Variants in RNF207 observed in about 807,000 individuals in gnomAD.
RNF207 encodes ring finger protein 207.
Under a neutral mutation model 79.0 loss-of-function variants are expected in RNF207, and 72 were observed. The ratio of observed to expected loss-of-function variants is 0.91; its 90% CI spans 0.75 to 1.11. The LOEUF (loss-of-function observed/expected upper bound fraction) is 1.11. Among genes scored for constraint, RNF207 ranks in the 50% least tolerant of loss-of-function variants. The pLI, the probability that RNF207 is intolerant of heterozygous loss-of-function variation, is 0.00. For synonymous variants in RNF207, 348 were observed against 366.2 expected (o/e 0.95, Z 0.57); for missense variants, 936 against 855.8 (o/e 1.09, Z -1.17).
chr1:6,210,453 C>G lies in RNF207; in HGVS notation c.942+15C>G. ...ACCTGGGCTATGTGAGTCTCCTCTG[C>G]TCCTGCAGATGCCCCCTCCCCACCA... On this transcript the variant is annotated intron_variant, in intron 10 of 17. Coordinates refer to ENST00000377939, the MANE Select transcript of RNF207 (RefSeq NM_207396.3). 1.9e-6 allele frequency: 3 copies of G among 1,606,100 alleles called. No homozygotes were observed. Among genetic ancestry groups the G allele is most frequent in the Non-Finnish European group, 2.6e-6 (3 of 1,174,812 alleles).
rs1427508137 is a variant in RNF207 at position 6,217,935 on chromosome 1, C to G, written c.1653-354C>G. Among the ~76,000 whole-genome samples the G allele has an allele frequency of 6.6e-6, 1 of 152,232 alleles. No homozygotes were observed. Among genetic ancestry groups the G allele is most frequent in the Non-Finnish European group, 1.5e-5 (1 of 68,050 alleles). On this transcript the variant is annotated intron_variant, in intron 16 of 17. Coordinates refer to ENST00000377939, the MANE Select transcript of RNF207 (RefSeq NM_207396.3). This position sits in a 1 kb window ranked among gnomAD's most constrained non-coding sequence, Gnocchi z 4.2. ...TCTGGGCCTCTGCCTGGAGTATTCA[C>G]AGACCCTCAGTCGGGCCCCAGCTTG...
In RNF207 at chr1:6,211,981, C is replaced by T. The variant is rs747498126; in HGVS notation, c.1224C>T (p.Thr408=). 1.3e-6 allele frequency: 2 copies of T among 1,584,430 alleles called. No homozygotes were observed. Among genetic ancestry groups the T allele is most frequent in the Non-Finnish European group, 1.7e-6 (2 of 1,166,106 alleles). The part of the protein sequence containing the change: ...QKPTLHRSIS[T]KVLLAEGENT... ...CCACGCTGCACCGGTCCATCAGCAC[C>T]AAGGTGCTGCTGGCGGAGGGCGAGA... The change falls in exon 13 of 18, where the codon ACC becomes ACT. Residue 408 remains threonine, a synonymous_variant. Coordinates refer to ENST00000377939, the MANE Select transcript of RNF207 (RefSeq NM_207396.3). This position sits in a 1 kb window ranked among gnomAD's most constrained non-coding sequence, Gnocchi z 4.2.
chr1:6,208,323 A>T (rs995585985), intron 3 of RNF207: 2 of 152,290 alleles, frequency 1.3e-5, no homozygotes, highest in African/African-American at 4.8e-5. Flanking sequence ...AAAAAAAAAA[A>T]AATTTTTTTT....
At position 6,219,401 on chromosome 1, in the gene RNF207, G is replaced by A. The variant is rs774324115; in HGVS notation, c.1899G>A (p.Pro633=). The A allele has an allele frequency of 9.5e-5, 152 of 1,601,982 alleles. No homozygotes were observed. The highest frequency in any genetic ancestry group is 1.1e-4 in the Non-Finnish European group (134 of 1,173,894). Residue 633 remains proline (P), a synonymous_variant, in exon 18 of 18, where the codon CCG becomes CCA. Coordinates refer to ENST00000377939, the MANE Select transcript of RNF207 (RefSeq NM_207396.3). ...GGDVPTWREH[P]T ...ATGTCCCCACATGGAGGGAACACCC[G>A]ACTTAGCAAATGGGACCGGTCCCCA...
intron 17 of RNF207, 29 bp from the exon 18 acceptor site, chr1:6,219,207 G>A: frequency 6.3e-7 from 1 of 1,578,526 alleles, no homozygotes; most frequent in Non-Finnish European, 8.6e-7. Context: ...GGGGGAGCGG[G>A]CTGGGCTTAC....
chr1:6,209,242 C>T (rs1455795690), intron 5 of RNF207, 26 bp from the exon 6 acceptor site: 1 of 1,549,642 alleles, frequency 6.5e-7, no homozygotes, highest in Non-Finnish European at 8.7e-7. Context: ...GCCGCTGGAG[C>T]GGGCCTCACC....
Position 6,210,239 on chromosome 1 carries a change from G to A in RNF207, c.817G>A (p.Asp273Asn), listed in dbSNP as rs1668106005. Residue 273 changes from aspartate to asparagine, a missense_variant, in exon 9 of 18, where the codon GAC becomes AAC. Asp to Asn is a conservative substitution (Grantham distance 23). Transcript: ENST00000377939. ...QAVQSQYEEKDKAFKEQLSHL... is the reference protein window; with the variant it reads ...QAVQSQYEEKNKAFKEQLSHL... ...CTCCCCCAGCCAATACGAAGAGAAG[G>A]ACAAGGCCTTCAAGGAGCAGCTCTC... 5.0e-6 allele frequency: 8 copies of A among 1,613,844 alleles called. No homozygotes were observed. Among genetic ancestry groups the A allele is most frequent in the Non-Finnish European group, 6.8e-6 (8 of 1,179,880 alleles).
At chr1:6,216,455 A>T (rs780902784) in intron 16 of RNF207, among the ~76,000 whole-genome samples, 18 of 151,354 alleles carry the variant, frequency 1.2e-4, no homozygotes, top group Non-Finnish European at 1.6e-4. Context: ...CTGCGAGTCC[A>T]CTCATCCACT....
rs368957775 is a variant in RNF207 at position 6,211,959 on chromosome 1, C to T, written c.1202C>T (p.Thr401Met). The T allele has an allele frequency of 2.6e-5, 41 of 1,568,234 alleles. No homozygotes were observed. The highest frequency in any genetic ancestry group is 3.8e-5 in the Admixed American group (2 of 53,068). The change falls in exon 13 of 18, where the codon ACG becomes ATG. Residue 401 changes from threonine (T) to methionine (M), a missense_variant. Physicochemically the swap from Thr to Met is moderately conservative, Grantham distance 81. Transcript: ENST00000377939. The surrounding 1 kb of genome is among the most constrained non-coding windows in gnomAD (Gnocchi z 4.2). The stretch of plus-strand genomic sequence containing the variant: ...TCGGGGTCACCCGTCCAAAAGCCCA[C>T]GCTGCACCGGTCCATCAGCACCAAG... ...KMSGSPVQKP[T>M]LHRSISTKVL... is the part of the protein sequence containing the mutation.
intron 16 of RNF207, 73 bp downstream of exon 16, chr1:6,213,256 C>T (rs950227680): frequency 1.0e-5 from 10 of 982,070 alleles, no homozygotes; most frequent in Non-Finnish European, 1.4e-5. Context: ...TGCGGTGGCT[C>T]ACGCCTGTAA....
At chr1:6,215,582 A>T (rs1668336518) in intron 16 of RNF207, among the ~76,000 whole-genome samples, 1 of 152,080 alleles carries the variant, frequency 6.6e-6, no homozygotes, top group South Asian at 2.1e-4. Flanking sequence ...ACAATATCTT[A>T]CACCTCTGAG....
In RNF207 at chr1:6,209,177, T is replaced by C; in HGVS notation, c.532T>C (p.Cys178Arg). The C allele has an allele frequency of 6.4e-7, 1 of 1,555,834 alleles. No individual in the cohort carries two copies. Among genetic ancestry groups the C allele is most frequent in the Non-Finnish European group, 8.7e-7 (1 of 1,149,286 alleles). The part of the protein sequence containing the change: ...TDKKLLLCIR[C>R]FRDMQKESRA... Reference sequence around the variant, plus strand: ...CAAGAAGTTGCTGTTGTGCATCCGCTGCTTCCGCGACATGCAGAAGTGCGT... The same window carrying C: ...CAAGAAGTTGCTGTTGTGCATCCGCCGCTTCCGCGACATGCAGAAGTGCGT... The change falls in exon 5 of 18, where the codon TGC (cysteine) becomes CGC (arginine). Residue 178 changes from cysteine to arginine, a missense_variant. Coordinates refer to ENST00000377939, the MANE Select transcript of RNF207 (RefSeq NM_207396.3).
In RNF207 at chr1:6,212,678, T is replaced by C; in HGVS notation, c.1483-4T>C. On this transcript the variant is annotated splice_region_variant and splice_polypyrimidine_tract_variant and intron_variant, in intron 14 of 17. Transcript: ENST00000377939. ...ACATCCAATGTCCAGCTTTTCTCTT[T>C]CAGATTTGGGAGGAAGCCTATCAGC... 1 of 1,613,432 alleles carries C rather than the reference T, an allele frequency of 6.2e-7. No homozygotes were observed. The highest frequency in any genetic ancestry group is 2.2e-5 in the East Asian group (1 of 44,844).
chr1:6,214,687 T>A (rs1288830129), intron 16 of RNF207, among the ~76,000 whole-genome samples: 1 of 136,924 alleles, frequency 7.3e-6, no homozygotes, highest in African/African-American at 2.9e-5. Context: ...CAGGCTGGAG[T>A]GCAGTGGCAT....
chr1:6,213,019 C>CA, intron 15 of RNF207, 47 bp from the exon 16 acceptor site: 1 of 1,263,796 alleles, frequency 7.9e-7, no homozygotes, highest in Non-Finnish European at 1.1e-6. Flanking sequence ...AATCTGAAGC[C>CA]AGATGCTTCA....
At position 6,209,034 on chromosome 1, in the gene RNF207, G is replaced by A. The variant is rs1472473508; in HGVS notation, c.469+9G>A. ...CGTGCCCCAGAAGTGCAGTGAGTGA[G>A]GCTTGCGGGGCCGGGGACTTGGGGG... is the stretch of plus-strand genomic sequence containing the variant. On this transcript the variant is annotated intron_variant, in intron 4 of 17. Coordinates refer to ENST00000377939, the MANE Select transcript of RNF207 (RefSeq NM_207396.3). 6.5e-7 allele frequency: 1 copy of A among 1,542,442 alleles called. No homozygotes were observed. The highest frequency in any genetic ancestry group is 8.7e-7 in the Non-Finnish European group (1 of 1,145,566).
At chr1:6,215,331 CTTTTTT>C (rs147320112) in intron 16 of RNF207, among the ~76,000 whole-genome samples, 1 of 138,810 alleles carries the variant, frequency 7.2e-6, no homozygotes, top group South Asian at 2.3e-4. Context: ...CCCGGCCCCC[CTTTTTT>C]TTTTTTTTTT....
At position 6,212,425 on chromosome 1, in the gene RNF207, C is replaced by T; in HGVS notation, c.1482+9C>T. 5.0e-6 allele frequency: 8 copies of T among 1,600,604 alleles called. No homozygotes were observed. The highest frequency in any genetic ancestry group is 2.2e-5 in the East Asian group (1 of 44,814). On this transcript the variant is annotated intron_variant, in intron 14 of 17. Coordinates refer to ENST00000377939, the MANE Select transcript of RNF207 (RefSeq NM_207396.3). The stretch of plus-strand genomic sequence containing the variant: ...GGGTCGTCTTCCAGGAGGTAGCCCT[C>T]CCAAGGACTCTAACTCCAGCCCCAC...
In RNF207 at chr1:6,208,646, C is replaced by G; in HGVS notation, c.325-235C>G. The G allele has an allele frequency of 5.6e-6, 3 of 539,840 alleles. 1 individual carries two copies. In the South Asian group the frequency reaches 7.1e-5, roughly 13 times the overall value. The allele number at this position is 539,840 out of a possible 1,614,324, so 33.4% of individuals were successfully genotyped here. On this transcript the variant is annotated intron_variant, in intron 3 of 17. Transcript: ENST00000377939. ...TATAAAGGCAGTTTCTGCCCTCTCC[C>G]CGCGTCCCCCACCCCCCTCCACGGA...
Sources: gnomAD v4.1 joint callset for allele counts (sites outside exome capture counted in the v4.1 genomes callset) on GRCh38, gnomAD v4.1.1 for gene constraint, Gnocchi (gnomAD v3.1) non-coding constraint, MANE v1.5 for transcripts, NCBI Gene and HGNC (gene_info 2026-07-23, HGNC 2026-07-21) for gene names.